Variants in PRELID2 observed in about 807,000 individuals in gnomAD.
The protein encoded by PRELID2 is PRELI domain-containing protein 2.
In PRELID2, 25 loss-of-function variants were observed where a neutral mutation model predicts 28.4. That is an observed-to-expected ratio of 0.88 (90% confidence interval 0.64 to 1.23). The LOEUF (loss-of-function observed/expected upper bound fraction) is 1.23. Among genes scored for constraint, PRELID2 ranks in the 50% most tolerant of loss-of-function variants. PRELID2 has a pLI of 0.00. For missense variants in PRELID2, 201 were observed against 214.4 expected (o/e 0.94, Z 0.39); for synonymous variants, 76 against 71.6 (o/e 1.06, Z -0.31).
At chr5:145,229,925 C>A in the PRELID2 span, 2 of 750,528 alleles carry the variant, frequency 2.7e-6, no homozygotes, top group Non-Finnish European at 4.9e-6. Context: ...TGTCTCTCTA[C>A]AATGAGGAGC....
chr5:145,724,904 A>G (rs1307178155), intron 1 of PRELID2, among the ~76,000 whole-genome samples: 1 of 150,868 alleles, frequency 6.6e-6, no homozygotes, highest in Non-Finnish European at 1.5e-5. Context: ...CACTAAGCCT[A>G]GCTAATTTTT....
At chr5:145,479,778 T>G (rs1752139405) in intron 1 of PRELID2, among the ~76,000 whole-genome samples, 1 of 152,210 alleles carries the variant, frequency 6.6e-6, no homozygotes, top group Non-Finnish European at 1.5e-5. Flanking sequence ...TTTCTGAAAC[T>G]TATGATCCTT....
the PRELID2 span, among the ~76,000 whole-genome samples, chr5:145,269,509 A>T: frequency 6.6e-6 from 1 of 152,012 alleles, no homozygotes; most frequent in Non-Finnish European, 1.5e-5. Context: ...TAGACAAAAT[A>T]CAAAAGCTAA....
the PRELID2 span, among the ~76,000 whole-genome samples, chr5:145,254,135 T>C: frequency 3.3e-5 from 5 of 152,116 alleles, no homozygotes; most frequent in Admixed American, 3.3e-4. Flanking sequence ...GACCACAAAA[T>C]TTCAGTGAAC....
intron 1 of PRELID2, among the ~76,000 whole-genome samples, chr5:145,741,385 AAATT>A (rs1756732636): frequency 9.6e-6 from 1 of 103,712 alleles, no homozygotes; most frequent in Non-Finnish European, 1.7e-5. Flanking sequence ...TTTTATTTAT[AAATT>A]ATTTATATAT....
the PRELID2 span, among the ~76,000 whole-genome samples, chr5:145,261,290 C>A: frequency 2.6e-5 from 4 of 152,144 alleles, no homozygotes; most frequent in Non-Finnish European, 4.4e-5. Context: ...CAGAGCCTGA[C>A]CCTAGGGCAA....
the PRELID2 span, among the ~76,000 whole-genome samples, chr5:145,465,966 A>G: frequency 3.2e-4 from 49 of 152,276 alleles, no homozygotes; most frequent in Non-Finnish European, 6.9e-4. Context: ...TCTGACCATC[A>G]TGAATTCAGC....
At chr5:145,312,017 C>T in the PRELID2 span, among the ~76,000 whole-genome samples, 1 of 152,066 alleles carries the variant, frequency 6.6e-6, no homozygotes, top group Non-Finnish European at 1.5e-5. Context: ...CATAACCTCA[C>T]ATACTTATCA....
At position 145,818,919 on chromosome 5, in the gene PRELID2, CAT is replaced by C. The variant is rs892620221; in HGVS notation, c.208-867_208-866del. On this transcript the variant is annotated intron_variant, in intron 3 of 6. Transcript: ENST00000683046. Reference sequence around the variant, plus strand: ...TGAATTGTAGCTCCCATAATCCCCACATGTCATGGGAGAGACTCAGTGGGAGG... The same window carrying C: ...TGAATTGTAGCTCCCATAATCCCCACGTCATGGGAGAGACTCAGTGGGAGG... Among the ~76,000 whole-genome samples, 80 of 152,280 alleles carry C rather than the reference CAT, an allele frequency of 5.3e-4. 1 individual carries two copies. The highest frequency in any genetic ancestry group is 1.3e-3 in the African/African-American group (55 of 41,546).
the PRELID2 span, among the ~76,000 whole-genome samples, chr5:145,314,146 C>G: frequency 6.6e-6 from 1 of 152,158 alleles, no homozygotes. Context: ...GATGAAGAAA[C>G]AGAGATGTCT....
the PRELID2 span, among the ~76,000 whole-genome samples, chr5:145,386,698 A>T: frequency 6.6e-6 from 1 of 152,306 alleles, no homozygotes; most frequent in South Asian, 2.1e-4. Context: ...TGTATTGTTT[A>T]CATATCCTAC....
the PRELID2 span, among the ~76,000 whole-genome samples, chr5:145,404,357 G>A: frequency 6.6e-6 from 1 of 152,152 alleles, no homozygotes; most frequent in Admixed American, 6.5e-5. Flanking sequence ...AGAGACTGTG[G>A]GATCAAATAG....
At position 145,537,354 on chromosome 5, in the gene PRELID2, T is replaced by C. The variant is rs115213687; in HGVS notation, n.71-64039A>G. ...GATATATGCCCAGTAATGGGATTGC[T>C]GGTTATATGGTAGTTCTATTTTTGA... On this transcript the variant is annotated intron_variant and non_coding_transcript_variant, in intron 1 of 2. Coordinates refer to the PRELID2 transcript ENST00000510259. 7.7e-3 allele frequency among the ~76,000 whole-genome samples: 1,177 copies of C among 152,030 alleles called. 22 individuals carry two copies. Among genetic ancestry groups the C allele is most frequent in the African/African-American group, 0.027 (1,128 of 41,536 alleles).
rs769367313 is a variant in PRELID2, at chr5:145,817,980, G to A, written c.282C>T (p.Ala94=). 5.6e-6 allele frequency: 9 copies of A among 1,611,606 alleles called. No homozygotes were observed. Among genetic ancestry groups the A allele is most frequent in the South Asian group, 1.1e-5 (1 of 90,736 alleles). The change falls in exon 4 of 7, where the codon GCC becomes GCT. Residue 94 remains alanine, a synonymous_variant. Transcript: ENST00000683046. ...TCCACGTAAGGCAGTGACTCCGTAT[G>A]GCCATGTTTCTTTCCCGAGGATTGA... The part of the protein sequence containing the change: ...SWLNPRERNM[A]IRSHCLTWTQ...
chr5:145,383,564 C>T, the PRELID2 span, among the ~76,000 whole-genome samples: 2 of 149,934 alleles, frequency 1.3e-5, no homozygotes, highest in African/African-American at 4.9e-5. Flanking sequence ...AGCCAATGCA[C>T]TTCAATAGGG....
chr5:145,368,997 G>A, the PRELID2 span, among the ~76,000 whole-genome samples: 1 of 151,572 alleles, frequency 6.6e-6, no homozygotes, highest in Non-Finnish European at 1.5e-5. Context: ...CCCAGTGTGT[G>A]TTGTTCCCCT....
chr5:145,235,504 C>T, the PRELID2 span, among the ~76,000 whole-genome samples: 1 of 152,106 alleles, frequency 6.6e-6, no homozygotes, highest in Non-Finnish European at 1.5e-5. Flanking sequence ...GCTTTCCTTG[C>T]AACAAGAATT....
chr5:145,768,164 G>T (rs1370554428), intron 5 of PRELID2, among the ~76,000 whole-genome samples: 1 of 141,840 alleles, frequency 7.1e-6, no homozygotes, highest in Non-Finnish European at 1.5e-5. Context: ...GGCAAAGGTT[G>T]CAGTGAGCCA....
At chr5:145,423,989 C>G in the PRELID2 span, among the ~76,000 whole-genome samples, 1 of 151,434 alleles carries the variant, frequency 6.6e-6, no homozygotes, top group Non-Finnish European at 1.5e-5. Flanking sequence ...GTTGGAGTAC[C>G]CTGCCGTGTG....
Sources: gnomAD v4.1 joint callset for allele counts (sites outside exome capture counted in the v4.1 genomes callset) on GRCh38, gnomAD v4.1.1 for gene constraint, MANE v1.5 for transcripts, NCBI Gene and HGNC (gene_info 2026-07-23, HGNC 2026-07-21) for gene names.